The following ARHGAP31 variants were observed in gnomAD, a reference collection of about 807,000 sequenced individuals.
ARHGAP31 encodes rho GTPase-activating protein 31.
Under a neutral mutation model 113.9 loss-of-function variants are expected in ARHGAP31, and 34 were observed. The ratio of observed to expected loss-of-function variants is 0.30; its 90% CI spans 0.23 to 0.40. The LOEUF (loss-of-function observed/expected upper bound fraction) is 0.40. ARHGAP31 is among the 10% of genes least tolerant of loss of function. The pLI, the probability that ARHGAP31 is intolerant of heterozygous loss-of-function variation, is 1.00. For synonymous variants in ARHGAP31, 650 were observed against 684.8 expected, an observed-to-expected ratio of 0.95 and a Z score of 0.79; for missense variants, 1,548 against 1,767.1, an observed-to-expected ratio of 0.88 and a Z score of 2.22.
At chr3:119,355,470 C>CTT (rs199687105) in intron 1 of ARHGAP31, among the ~76,000 whole-genome samples, 1 of 137,640 alleles carries the variant, frequency 7.3e-6, no homozygotes, top group Non-Finnish European at 1.6e-5. Flanking sequence ...CTTCTGTTTT[C>CTT]TTTTTTTTTT....
At chr3:119,387,077 AG>A (rs2080458122) in intron 6 of ARHGAP31, among the ~76,000 whole-genome samples, 1 of 151,440 alleles carries the variant, frequency 6.6e-6, no homozygotes. Context: ...GTGGAGGAGC[AG>A]GGTCTTCTCT....
At chr3:119,405,910 A>G (rs1049349261) in intron 10 of ARHGAP31, among the ~76,000 whole-genome samples, 1 of 152,242 alleles carries the variant, frequency 6.6e-6, no homozygotes, top group African/African-American at 2.4e-5. Context: ...GAAGCCATGT[A>G]CCTGAAAAGA....
intron 3 of ARHGAP31, among the ~76,000 whole-genome samples, chr3:119,380,689 G>A (rs1471034001): frequency 6.6e-6 from 1 of 152,060 alleles, no homozygotes; most frequent in Non-Finnish European, 1.5e-5. Context: ...CCCACCGCCT[G>A]CTGTGCACAC....
At position 119,414,007 on chromosome 3, in the gene ARHGAP31, T is replaced by C; in HGVS notation, c.2078T>C (p.Phe693Ser). 1 of 1,614,154 alleles carries C rather than the reference T, an allele frequency of 6.2e-7. No individual in the cohort carries two copies. Among genetic ancestry groups the C allele is most frequent in the Non-Finnish European group, 8.5e-7 (1 of 1,180,020 alleles). Reference sequence around the variant, plus strand: ...ATTCTCGAGTCGAGTCTGGGGCCCTTTATTCCCTCAGAGCCTCCTGGGAGC... The same window carrying C: ...ATTCTCGAGTCGAGTCTGGGGCCCTCTATTCCCTCAGAGCCTCCTGGGAGC... ...QPILESSLGP[F>S]IPSEPPGSLP... The change falls in exon 12 of 12, where the codon TTT becomes TCT. Residue 693 changes from phenylalanine (F) to serine (S), a missense_variant. By Grantham distance (155) the Phe-to-Ser change is radical. Transcript: ENST00000264245.
chr3:119,334,808 T>C (rs1226921038), intron 1 of ARHGAP31, among the ~76,000 whole-genome samples: 1 of 152,248 alleles, frequency 6.6e-6, no homozygotes, highest in Non-Finnish European at 1.5e-5. Flanking sequence ...TGTGTAATGT[T>C]GCCCTTATTT....
chr3:119,405,407 C>T (rs934378657), intron 10 of ARHGAP31, among the ~76,000 whole-genome samples: 5 of 152,138 alleles, frequency 3.3e-5, no homozygotes, highest in African/African-American at 9.7e-5. Flanking sequence ...GGGTGTTGTC[C>T]TTGTCTGCAT....
In ARHGAP31 at chr3:119,324,079, C is replaced by T. The variant is rs188613158; in HGVS notation, c.100+29075C>T. On this transcript the variant is annotated intron_variant, in intron 1 of 11. Coordinates refer to ENST00000264245, the MANE Select transcript of ARHGAP31 (RefSeq NM_020754.4). The stretch of plus-strand genomic sequence containing the variant: ...GCTCTTGCCATCCCTGCCATCCCTG[C>T]TCTACACCGAAGGGGTGAAGTCCTG... Among the ~76,000 whole-genome samples, 142 of 151,948 alleles carry T rather than the reference C, an allele frequency of 9.3e-4. 1 individual carries two copies. Among genetic ancestry groups the T allele is most frequent in the Non-Finnish European group, 1.6e-3 (110 of 67,928 alleles).
At chr3:119,348,192 C>CT in intron 1 of ARHGAP31, among the ~76,000 whole-genome samples, 1 of 152,314 alleles carries the variant, frequency 6.6e-6, no homozygotes, top group East Asian at 1.9e-4. Context: ...TTGTGAGAAT[C>CT]TAATGCCTGA....
At chr3:119,377,479 G>T (rs539525168) in intron 3 of ARHGAP31, among the ~76,000 whole-genome samples, 28 of 152,280 alleles carry the variant, frequency 1.8e-4, no homozygotes, top group African/African-American at 6.0e-4. Context: ...GAAACAGCAG[G>T]TACAAAGGCT....
intron 1 of ARHGAP31, among the ~76,000 whole-genome samples, chr3:119,323,197 C>G (rs2079808765): frequency 6.6e-6 from 1 of 152,202 alleles, no homozygotes; most frequent in Non-Finnish European, 1.5e-5. Flanking sequence ...CCGGCCGCTT[C>G]CCGGAACGCC....
chr3:119,353,344 A>G (rs1017183774), intron 1 of ARHGAP31, among the ~76,000 whole-genome samples: 2 of 152,144 alleles, frequency 1.3e-5, no homozygotes, highest in African/African-American at 4.8e-5. Context: ...TTTTGTTACA[A>G]TTTTTGTGCC....
At chr3:119,383,269 T>C in intron 6 of ARHGAP31, 43 bp downstream of exon 6, 1 of 1,612,060 alleles carries the variant, frequency 6.2e-7, no homozygotes, top group Non-Finnish European at 8.5e-7. Flanking sequence ...CTTATCCTTC[T>C]TTCTTGCAAC....
chr3:119,388,746 T>C (rs780542045), intron 6 of ARHGAP31, among the ~76,000 whole-genome samples: 1 of 152,140 alleles, frequency 6.6e-6, no homozygotes, highest in Non-Finnish European at 1.5e-5. Flanking sequence ...AGGCTTTAGC[T>C]TGGGCACTGG....
At chr3:119,328,276 T>A (rs146740142) in intron 1 of ARHGAP31, among the ~76,000 whole-genome samples, 98 of 152,222 alleles carry the variant, frequency 6.4e-4, no homozygotes, top group South Asian at 3.1e-3. Flanking sequence ...AAGAAGACAG[T>A]TCTGATGGTA....
chr3:119,312,515 T>G (rs1349216331), intron 1 of ARHGAP31, among the ~76,000 whole-genome samples: 3 of 152,324 alleles, frequency 2.0e-5, no homozygotes, highest in Middle Eastern at 3.4e-3. Context: ...TGAGAAACAA[T>G]GCAGGATGTG....
intron 1 of ARHGAP31, among the ~76,000 whole-genome samples, chr3:119,309,949 G>GTT (rs57460032): frequency 0.012 from 1,695 of 144,018 alleles, 34 homozygotes; most frequent in African/African-American, 0.037. Context: ...ACTATCAACT[G>GTT]TTTTTTTTTT....
intron 1 of ARHGAP31, among the ~76,000 whole-genome samples, chr3:119,335,618 C>T (rs1252086439): frequency 6.6e-6 from 1 of 152,142 alleles, no homozygotes; most frequent in East Asian, 1.9e-4. Flanking sequence ...CCCAGTTAGG[C>T]GAAGAGGAGT....
At chr3:119,401,401 A>T (rs2080605711) in intron 9 of ARHGAP31, among the ~76,000 whole-genome samples, 2 of 152,198 alleles carry the variant, frequency 1.3e-5, no homozygotes, top group Admixed American at 6.5e-5. Context: ...AAATAAGACA[A>T]GATTCTGTTT....
At chr3:119,393,247 G>A (rs1321335558) in intron 7 of ARHGAP31, among the ~76,000 whole-genome samples, 1 of 152,082 alleles carries the variant, frequency 6.6e-6, no homozygotes, top group East Asian at 1.9e-4. Context: ...CTTGCCCTGG[G>A]AAATACAGTT....
Sources: gnomAD v4.1 joint callset for allele counts (sites outside exome capture counted in the v4.1 genomes callset) on GRCh38, gnomAD v4.1.1 for gene constraint, MANE v1.5 for transcripts, NCBI Gene and HGNC (gene_info 2026-07-23, HGNC 2026-07-21) for gene names.